PGBD5: variants seen among roughly 807,000 people sequenced by gnomAD.
The protein encoded by PGBD5 is piggyBac transposable element derived 5, also known as piggyBac transposable element-derived protein 5.
A neutral mutation model predicts 47.9 loss-of-function variants in PGBD5; 14 were observed. The ratio of observed to expected loss-of-function variants is 0.29; its 90% CI spans 0.19 to 0.46. The LOEUF (loss-of-function observed/expected upper bound fraction) is 0.46, where lower values mean the gene tolerates loss of function less well. Among genes scored for constraint, PGBD5 ranks in the 20% least tolerant of loss-of-function variants. PGBD5 has a pLI of 1.00. For synonymous variants in PGBD5, 316 were observed against 306.3 expected (o/e 1.03, Z -0.33); for missense variants, 635 against 716.0 (o/e 0.89, Z 1.29).
intron 1 of PGBD5, among the ~76,000 whole-genome samples, chr1:230,377,827 T>C (rs1017628284): frequency 1.3e-5 from 2 of 152,246 alleles, no homozygotes; most frequent in African/African-American, 4.8e-5. Context: ...TGCCGTCTGA[T>C]GCAATGCTAG....
chr1:230,347,476 CTT>C (rs71733326), intron 3 of PGBD5, among the ~76,000 whole-genome samples: 73 of 113,440 alleles, frequency 6.4e-4, no homozygotes, highest in African/African-American at 2.3e-3. Context: ...ATTTTCTTTT[CTT>C]TTTTTTTTTT....
chr1:230,397,937 T>C (rs952216628), intron 1 of PGBD5, among the ~76,000 whole-genome samples: 6 of 152,334 alleles, frequency 3.9e-5, no homozygotes, highest in African/African-American at 1.4e-4. Context: ...TCAGAAGCTA[T>C]CACCACCCAA....
chr1:230,355,487 T>C (rs11122498), intron 2 of PGBD5, among the ~76,000 whole-genome samples: 19,366 of 152,236 alleles, frequency 0.13, 3,895 homozygotes, highest in African/African-American at 0.43. Flanking sequence ...ATCCAGGCAA[T>C]CGTCTCTCAT....
intron 1 of PGBD5, among the ~76,000 whole-genome samples, chr1:230,371,489 T>C (rs1422018149): frequency 7.2e-5 from 11 of 152,224 alleles, no homozygotes; most frequent in Admixed American, 6.5e-4. Flanking sequence ...CAAAGGTTAC[T>C]GCCACTTGGC....
At chr1:230,368,269 T>C in intron 1 of PGBD5, 1 of 1,200,262 alleles carries the variant, frequency 8.3e-7, no homozygotes, top group South Asian at 1.6e-5. Context: ...TTCTTAGAAA[T>C]GTGTGTTGCT....
chr1:230,335,856 TACACACACAGATGCATACACGGAC>T (rs1481816749), intron 4 of PGBD5, among the ~76,000 whole-genome samples: 121 of 96,374 alleles, frequency 1.3e-3, no homozygotes, highest in Non-Finnish European at 2.1e-3. Flanking sequence ...GACACACAGA[TACACACACAGATGCATACACGGAC>T]ACACAGATGC....
chr1:230,392,053 T>G (rs1048867707), intron 1 of PGBD5, among the ~76,000 whole-genome samples: 1 of 152,236 alleles, frequency 6.6e-6, no homozygotes, highest in Non-Finnish European at 1.5e-5. Context: ...CGAGGCTTAC[T>G]AGGACTGTGA....
chr1:230,352,717 T>C (rs1667577483), intron 2 of PGBD5, among the ~76,000 whole-genome samples: 1 of 152,174 alleles, frequency 6.6e-6, no homozygotes, highest in Non-Finnish European at 1.5e-5. Flanking sequence ...CCTGGCTTCT[T>C]GCACTCGCTG....
chr1:230,326,732 C>T (rs536134917), intron 5 of PGBD5, among the ~76,000 whole-genome samples: 19 of 152,262 alleles, frequency 1.2e-4, no homozygotes, highest in African/African-American at 4.1e-4. Context: ...ACCTGGGCCT[C>T]CCAAAACTCT....
chr1:230,400,507 C>T (rs536278860), intron 1 of PGBD5, among the ~76,000 whole-genome samples: 1 of 152,232 alleles, frequency 6.6e-6, no homozygotes, highest in East Asian at 1.9e-4. Context: ...TTCTAAAAGC[C>T]CAAAACAGTG....
chr1:230,380,370 C>T (rs149566410), intron 1 of PGBD5, among the ~76,000 whole-genome samples: 70 of 152,354 alleles, frequency 4.6e-4, no homozygotes, highest in African/African-American at 1.5e-3. Flanking sequence ...AGCCACAGGG[C>T]GCTCTGCCTC....
Position 230,323,205 on chromosome 1 carries a change from G to A in PGBD5, c.*220C>T, listed in dbSNP as rs1222097617. 1.8e-6 allele frequency: 1 copy of A among 567,564 alleles called. No homozygotes were observed. Among genetic ancestry groups the A allele is most frequent in the East Asian group, 2.9e-5 (1 of 34,006 alleles). The allele number at this position is 567,564 out of a possible 1,614,324, so 35.2% of individuals were successfully genotyped here. The stretch of plus-strand genomic sequence containing the variant: ...GGTGTAAGTGCTCATCACACCGGCG[G>A]CACTGTTTCTCGAGGGAGGACATGC... On this transcript the variant is annotated 3_prime_UTR_variant, in exon 7 of 7. Transcript: ENST00000391860. The surrounding 1 kb of genome is among the most constrained non-coding windows in gnomAD (Gnocchi z 4.1).
chr1:230,391,669 G>C (rs1245969712), intron 1 of PGBD5, among the ~76,000 whole-genome samples: 1 of 152,176 alleles, frequency 6.6e-6, no homozygotes, highest in Non-Finnish European at 1.5e-5. Context: ...AGAGAGACCT[G>C]TATTTGGCCA....
intron 1 of PGBD5, among the ~76,000 whole-genome samples, chr1:230,405,385 T>C (rs958313318): frequency 2.0e-5 from 3 of 152,160 alleles, no homozygotes; most frequent in Non-Finnish European, 2.9e-5. Context: ...GCGTGGATGA[T>C]CCACCTCCAC....
intron 3 of PGBD5, among the ~76,000 whole-genome samples, chr1:230,338,132 C>T (rs1041013997): frequency 6.6e-6 from 1 of 150,600 alleles, no homozygotes; most frequent in Non-Finnish European, 1.5e-5. Flanking sequence ...ATGCAGCTCG[C>T]ATGTTGCCTG....
In PGBD5 at chr1:230,426,050, G is replaced by A; in HGVS notation, c.-122C>T. 2 of 386,242 alleles carry A rather than the reference G, an allele frequency of 5.2e-6. No individual in the cohort carries two copies. Among genetic ancestry groups the A allele is most frequent in the Non-Finnish European group, 3.5e-6 (1 of 285,738 alleles). The allele number at this position is 386,242 out of a possible 1,614,324, so 23.9% of individuals were successfully genotyped here. ...CGCAGCCCGCAGCACAGCGCCCGCC[G>A]CCCCGTGCCCGGCCGGCCCGCCGTC... On this transcript the variant is annotated 5_prime_UTR_variant, in exon 1 of 7. Transcript: ENST00000391860.
At chr1:230,332,651 C>T (rs1252012712) in intron 5 of PGBD5, among the ~76,000 whole-genome samples, 193 bp downstream of exon 5, 1 of 152,214 alleles carries the variant, frequency 6.6e-6, no homozygotes, top group African/African-American at 2.4e-5. Flanking sequence ...TCTTTCCTCG[C>T]TGCTTCCCCG....
chr1:230,400,303 CCTATT>C (rs1237420526), intron 1 of PGBD5, among the ~76,000 whole-genome samples: 2 of 152,216 alleles, frequency 1.3e-5, no homozygotes, highest in Non-Finnish European at 2.9e-5. Context: ...GCCTGCCCAC[CCTATT>C]TAATTCTGCA....
chr1:230,392,963 G>C (rs1370911775), intron 1 of PGBD5, among the ~76,000 whole-genome samples: 1 of 151,670 alleles, frequency 6.6e-6, no homozygotes, highest in Non-Finnish European at 1.5e-5. Context: ...GCACAGGAAG[G>C]GGAGGAGGAG....
Sources: allele counts gnomAD v4.1 joint callset (sites outside exome capture counted in the v4.1 genomes callset), GRCh38; gene constraint gnomAD v4.1.1; non-coding constraint Gnocchi (gnomAD v3.1); transcripts MANE v1.5; gene names NCBI Gene and HGNC (gene_info 2026-07-23, HGNC 2026-07-21).